The following SGMS1 variants were observed in gnomAD, a reference collection of about 807,000 sequenced individuals.
SGMS1 encodes the protein sphingomyelin synthase 1, also known as phosphatidylcholine:ceramide cholinephosphotransferase 1.
Under a neutral mutation model 46.2 loss-of-function variants are expected in SGMS1, and 13 were observed. The ratio of observed to expected loss-of-function variants is 0.28; its 90% CI spans 0.18 to 0.45. The LOEUF is 0.45. Ranked by LOEUF, SGMS1 falls within the 20% of genes least tolerant of loss-of-function variation. The pLI is 1.00. For synonymous variants in SGMS1, 203 were observed against 187.8 expected (o/e 1.08, Z -0.66); for missense variants, 324 against 519.9 (o/e 0.62, Z 3.66).
chr10:50,353,985 G>T (rs1477287051), intron 6 of SGMS1, among the ~76,000 whole-genome samples: 2 of 152,148 alleles, frequency 1.3e-5, no homozygotes, highest in African/African-American at 2.4e-5. Flanking sequence ...TGGGTAGGAA[G>T]AATCAACATC....
At chr10:50,402,893 T>C (rs1848961480) in intron 6 of SGMS1, among the ~76,000 whole-genome samples, 1 of 152,178 alleles carries the variant, frequency 6.6e-6, no homozygotes, top group Non-Finnish European at 1.5e-5. Flanking sequence ...TCCTCCCTTC[T>C]GAGTCTCCAA....
chr10:50,332,151 C>T (rs146177605), intron 7 of SGMS1, among the ~76,000 whole-genome samples: 1 of 152,292 alleles, frequency 6.6e-6, no homozygotes, highest in African/African-American at 2.4e-5. Flanking sequence ...TATCTGGCTA[C>T]CTCCCTCTAG....
chr10:50,415,273 A>T (rs1849154499), intron 6 of SGMS1, among the ~76,000 whole-genome samples: 1 of 152,042 alleles, frequency 6.6e-6, no homozygotes, highest in East Asian at 1.9e-4. Context: ...ACTGATCATC[A>T]CTTTTATTTT....
At chr10:50,593,573 C>T (rs1028276627) in intron 1 of SGMS1, among the ~76,000 whole-genome samples, 2 of 152,030 alleles carry the variant, frequency 1.3e-5, no homozygotes, top group Non-Finnish European at 2.9e-5. Context: ...TTCACCACCA[C>T]TTCCACCACC....
intron 2 of SGMS1, among the ~76,000 whole-genome samples, chr10:50,569,281 T>A: frequency 1.6e-5 from 2 of 126,716 alleles, no homozygotes; most frequent in Non-Finnish European, 1.6e-5. Context: ...TGCACATGTA[T>A]CCCAGAACTT....
chr10:50,322,652 GA>G (rs1172781028), intron 8 of SGMS1, among the ~76,000 whole-genome samples: 1 of 151,336 alleles, frequency 6.6e-6, no homozygotes, highest in Non-Finnish European at 1.5e-5. Flanking sequence ...CTAACAAGGT[GA>G]AACCCCGTCT....
intron 6 of SGMS1, among the ~76,000 whole-genome samples, chr10:50,393,371 C>A (rs926885622): frequency 3.9e-5 from 6 of 152,094 alleles, no homozygotes; most frequent in African/African-American, 1.4e-4. Context: ...GCAAAAAGAT[C>A]CAACCCTGAC....
At chr10:50,524,260 G>A (rs778356007) in intron 2 of SGMS1, among the ~76,000 whole-genome samples, 1 of 152,074 alleles carries the variant, frequency 6.6e-6, no homozygotes, top group Non-Finnish European at 1.5e-5. Flanking sequence ...GTCTGCATGT[G>A]TCCAGCACCC....
rs182893084 is a variant in SGMS1, at chr10:50,441,837, C to T, written c.-312-8281G>A. ...TATTTCAGTATTGCACATTATCTTC[C>T]CAGTCTGTCAAAGTCTGTATTTTTA... is the stretch of plus-strand genomic sequence containing the variant. On this transcript the variant is annotated intron_variant, in intron 5 of 10. Coordinates refer to ENST00000361781, the MANE Select transcript of SGMS1 (RefSeq NM_147156.4). Among the ~76,000 whole-genome samples, 473 of 152,198 alleles carry T rather than the reference C, an allele frequency of 3.1e-3. 2 individuals carry two copies. Among genetic ancestry groups the T allele is most frequent in the Non-Finnish European group, 4.2e-3 (286 of 68,014 alleles).
chr10:50,388,902 C>CA (rs1848724853), intron 6 of SGMS1, among the ~76,000 whole-genome samples: 1 of 152,066 alleles, frequency 6.6e-6, no homozygotes, highest in Admixed American at 6.6e-5. Flanking sequence ...TAGCAACCGG[C>CA]AAACAAGTCT....
At chr10:50,515,075 T>C (rs1184469275) in intron 3 of SGMS1, among the ~76,000 whole-genome samples, 1 of 152,184 alleles carries the variant, frequency 6.6e-6, no homozygotes, top group Non-Finnish European at 1.5e-5. Context: ...AAAACCTTAT[T>C]TAGAAACAGA....
intron 6 of SGMS1, among the ~76,000 whole-genome samples, chr10:50,416,573 A>C (rs149385960): frequency 3.9e-4 from 59 of 152,268 alleles, no homozygotes; most frequent in African/African-American, 1.3e-3. Flanking sequence ...GGCTTTTTCA[A>C]CTGTCTCAGT....
intron 7 of SGMS1, among the ~76,000 whole-genome samples, chr10:50,330,201 C>G (rs1030019503): frequency 1.3e-5 from 2 of 152,204 alleles, no homozygotes; most frequent in East Asian, 3.9e-4. Flanking sequence ...CGCCTGTAAT[C>G]CCAGCACTTT....
chr10:50,519,696 C>G (rs1837841100), intron 3 of SGMS1, 135 bp downstream of exon 3: 1 of 152,362 alleles, frequency 6.6e-6, no homozygotes, highest in Admixed American at 6.5e-5. Context: ...TGCCCTTGGG[C>G]ACCACAAAGG....
intron 6 of SGMS1, among the ~76,000 whole-genome samples, chr10:50,381,824 T>C (rs1266638230): frequency 6.6e-6 from 1 of 152,174 alleles, no homozygotes; most frequent in East Asian, 1.9e-4. Flanking sequence ...TCTCTATCTG[T>C]TACCACTCAG....
chr10:50,524,587 G>A (rs554787504), intron 2 of SGMS1, among the ~76,000 whole-genome samples: 1 of 152,230 alleles, frequency 6.6e-6, no homozygotes, highest in South Asian at 2.1e-4. Context: ...GCATGGATGG[G>A]CACTTAACAT....
intron 5 of SGMS1, among the ~76,000 whole-genome samples, chr10:50,435,781 C>T (rs1280706830): frequency 6.6e-6 from 1 of 152,076 alleles, no homozygotes; most frequent in Non-Finnish European, 1.5e-5. Flanking sequence ...CAAAAAAATA[C>T]AAGATTCACC....
At chr10:50,427,338 G>C (rs985263041) in intron 6 of SGMS1, among the ~76,000 whole-genome samples, 1 of 152,202 alleles carries the variant, frequency 6.6e-6, no homozygotes, top group East Asian at 1.9e-4. Context: ...GGTGGAGCTT[G>C]CAGTGAGCCG....
chr10:50,354,786 T>A (rs1252519850), intron 6 of SGMS1, among the ~76,000 whole-genome samples: 1 of 152,152 alleles, frequency 6.6e-6, no homozygotes, highest in East Asian at 1.9e-4. Context: ...GCGAAGGATA[T>A]GAACAGACAC....
Sources: gnomAD v4.1 joint callset for allele counts (sites outside exome capture counted in the v4.1 genomes callset) on GRCh38, gnomAD v4.1.1 for gene constraint, MANE v1.5 for transcripts, NCBI Gene and HGNC (gene_info 2026-07-23, HGNC 2026-07-21) for gene names.